The following CHI3L2 variants were observed in gnomAD, a reference collection of about 807,000 sequenced individuals.
CHI3L2 encodes the protein chitinase 3 like 2.
CHI3L2 carries 47 observed loss-of-function variants against 47.3 expected under a neutral mutation model. That is an observed-to-expected ratio of 0.99 (90% confidence interval 0.79 to 1.27). CHI3L2 has a LOEUF of 1.27. Among genes scored for constraint, CHI3L2 ranks in the 50% most tolerant of loss-of-function variants. The pLI is 0.00. For missense variants in CHI3L2, 497 were observed against 462.1 expected (o/e 1.08, Z -0.69); for synonymous variants, 198 against 169.9 (o/e 1.17, Z -1.28).
intron 4 of CHI3L2, 53 bp downstream of exon 4, chr1:111,231,347 C>A: frequency 7.4e-7 from 1 of 1,358,516 alleles, no homozygotes. Flanking sequence ...TTTTGATCAT[C>A]ATCATTTTTC....
chr1:111,235,998 C>A, intron 6 of CHI3L2, 26 bp from the exon 7 acceptor site: 1 of 1,612,116 alleles, frequency 6.2e-7, no homozygotes, highest in Non-Finnish European at 8.5e-7. Flanking sequence ...GTCACAAAAT[C>A]TCTCCCATTG....
At position 111,230,857 on chromosome 1, in the gene CHI3L2, A is replaced by G. The variant is rs1042264838; in HGVS notation, c.186A>G (p.Ser62=). 2.5e-6 allele frequency: 4 copies of G among 1,614,088 alleles called. No homozygotes were observed. Among genetic ancestry groups the G allele is most frequent in the Non-Finnish European group, 3.4e-6 (4 of 1,179,996 alleles). ...DPFLCSHLIY[S]FASIENNKVI... ...TCCTATGCTCTCATCTCATCTATTC[A>G]TTCGCCAGCATCGAAAACAACAAGG... The change falls in exon 3 of 11, where the codon TCA becomes TCG. Residue 62 remains serine (S), a synonymous_variant. Transcript: ENST00000369748.
In CHI3L2 at chr1:111,238,794, G is replaced by C. The variant is rs1195664870; in HGVS notation, c.780G>C (p.Glu260Asp). 6.2e-7 allele frequency: 1 copy of C among 1,614,042 alleles called. No homozygotes were observed. Among genetic ancestry groups the C allele is most frequent in the South Asian group, 1.1e-5 (1 of 91,048 alleles). Residue 260 changes from glutamate to aspartate, a missense_variant, in exon 8 of 11, where the codon GAG becomes GAC. Glu to Asp is a conservative substitution (Grantham distance 45). Coordinates refer to ENST00000369748, the MANE Select transcript of CHI3L2 (RefSeq NM_004000.3). ...GGATACATAAGGGAATGCCATCAGAGAAGGTGGTCATGGGCATCCCCACAT... is the reference window on the plus strand; with the variant it reads ...GGATACATAAGGGAATGCCATCAGACAAGGTGGTCATGGGCATCCCCACAT... ...GYWIHKGMPS[E>D]KVVMGIPTYG...
At chr1:111,229,959 T>G in intron 2 of CHI3L2, 78 bp downstream of exon 2, 1 of 1,508,082 alleles carries the variant, frequency 6.6e-7, no homozygotes, top group Non-Finnish European at 9.2e-7. Flanking sequence ...TTTCTTTTTC[T>G]GCTACATGCT....
intron 10 of CHI3L2, 179 bp downstream of exon 10, chr1:111,242,545 C>A (rs949170222): frequency 3.0e-5 from 14 of 473,056 alleles, no homozygotes; most frequent in African/African-American, 2.2e-4. Context: ...TTCCCATAGA[C>A]TTTTAAAGTA....
At chr1:111,227,907 A>C (rs1571220788) in intron 1 of CHI3L2, 138 bp downstream of exon 1, 1 of 830,620 alleles carries the variant, frequency 1.2e-6, no homozygotes, top group East Asian at 2.6e-5. Context: ...TTTCAAGCCA[A>C]TGCAACTGTT....
intron 9 of CHI3L2, 137 bp from the exon 10 acceptor site, chr1:111,242,090 A>G: frequency 9.4e-7 from 1 of 1,063,134 alleles, no homozygotes; most frequent in Non-Finnish European, 1.4e-6. Flanking sequence ...CTTACCCCTC[A>G]GGAAGTCTCT....
In CHI3L2 at chr1:111,238,897, A is replaced by G. The variant is rs201251272; in HGVS notation, c.883A>G (p.Ile295Val). ...PASGPGAAGP[I>V]TESSGFLAYY... ...CTCTGGCCCTGGAGCTGCTGGACCC[A>G]TCACAGAGTCTTCAGGCTTCCTGGC... Residue 295 changes from isoleucine (I) to valine (V), a missense_variant, in exon 8 of 11, where the codon ATC becomes GTC. Coordinates refer to ENST00000369748, the MANE Select transcript of CHI3L2 (RefSeq NM_004000.3). The G allele has an allele frequency of 1.2e-6, 2 of 1,609,752 alleles. No homozygotes were observed. Among genetic ancestry groups the G allele is most frequent in the East Asian group, 2.2e-5 (1 of 44,718 alleles).
chr1:111,239,003 G>A, intron 8 of CHI3L2, 71 bp downstream of exon 8: 3 of 1,399,634 alleles, frequency 2.1e-6, no homozygotes, highest in Non-Finnish European at 2.9e-6. Flanking sequence ...CAATTTGACA[G>A]CAGAGTAAAG....
Position 111,235,646 on chromosome 1 carries a change from C to A in CHI3L2, c.488C>A (p.Ala163Glu). The A allele has an allele frequency of 6.2e-7, 1 of 1,613,844 alleles. No homozygotes were observed. The highest frequency in any genetic ancestry group is 8.5e-7 in the Non-Finnish European group (1 of 1,179,884). The change falls in exon 6 of 11, where the codon GCA becomes GAA. Residue 163 changes from alanine to glutamate, a missense_variant. By Grantham distance (107) the Ala-to-Glu change is moderately radical (BLOSUM62 -1). Coordinates refer to ENST00000369748, the MANE Select transcript of CHI3L2 (RefSeq NM_004000.3). ...THFTVLIHEL[A>E]EAFQKDFTKS... is the part of the protein sequence containing the mutation. ...TTTCTTTGTTTTTCCTAGGAGTTAG[C>A]AGAAGCCTTTCAGAAGGACTTCACA...
At chr1:111,240,517 T>C (rs1346457724) in intron 8 of CHI3L2, among the ~76,000 whole-genome samples, 1 of 152,200 alleles carries the variant, frequency 6.6e-6, no homozygotes, top group African/African-American at 2.4e-5. Flanking sequence ...CCACTAGATA[T>C]GCACTTCCCA....
intron 4 of CHI3L2, among the ~76,000 whole-genome samples, chr1:111,233,410 G>A (rs1375592536): frequency 2.0e-5 from 3 of 152,236 alleles, no homozygotes. Context: ...CTGGAACCCA[G>A]AGAGCAGGTT....
chr1:111,231,457 TA>T, intron 4 of CHI3L2, 163 bp downstream of exon 4: 1 of 595,706 alleles, frequency 1.7e-6, no homozygotes, highest in Non-Finnish European at 3.0e-6. Context: ...GGAACAGCAT[TA>T]GGTTTCCTGG....
intron 1 of CHI3L2, among the ~76,000 whole-genome samples, chr1:111,229,478 C>T (rs1007367684): frequency 4.6e-5 from 7 of 151,056 alleles, no homozygotes; most frequent in Admixed American, 1.3e-4. Context: ...GTCAGGAGAT[C>T]GAGACCATCC....
intron 4 of CHI3L2, among the ~76,000 whole-genome samples, chr1:111,232,616 CT>C (rs1448280760): frequency 6.6e-6 from 1 of 152,146 alleles, no homozygotes; most frequent in East Asian, 1.9e-4. Context: ...CATAGTGCCC[CT>C]GTGCAATAAG....
At chr1:111,233,371 C>A (rs72979866) in intron 4 of CHI3L2, among the ~76,000 whole-genome samples, 4 of 152,070 alleles carry the variant, frequency 2.6e-5, no homozygotes, top group Non-Finnish European at 5.9e-5. Flanking sequence ...AGGATTAGTA[C>A]CCTCAGTCCC....
rs1571221576 is a variant in CHI3L2 at position 111,229,062 on chromosome 1, A to C, written c.41-790A>C. Among the ~76,000 whole-genome samples the C allele has an allele frequency of 2.0e-5, 3 of 152,292 alleles. No individual in the cohort carries two copies. The East Asian group carries it at 5.8e-4, about 29-fold the overall frequency. ...GTGGGACCATCTCAATTTGCCTGAGATAGTTCTGGTTCAAGCTATCGTCCT... is the reference window on the plus strand; with the variant it reads ...GTGGGACCATCTCAATTTGCCTGAGCTAGTTCTGGTTCAAGCTATCGTCCT... On this transcript the variant is annotated intron_variant, in intron 1 of 10. Transcript: ENST00000369748.
chr1:111,232,927 T>G (rs1339346988), intron 4 of CHI3L2, among the ~76,000 whole-genome samples: 1 of 152,224 alleles, frequency 6.6e-6, no homozygotes, highest in Non-Finnish European at 1.5e-5. Context: ...TCTTGCTATC[T>G]CTTCAACTTC....
intron 1 of CHI3L2, among the ~76,000 whole-genome samples, chr1:111,229,539 G>A (rs947854719): frequency 6.7e-5 from 10 of 149,758 alleles, no homozygotes; most frequent in African/African-American, 1.5e-4. Context: ...AAAATTAGCC[G>A]GGCGTAGTGG....
Sources: allele counts gnomAD v4.1 joint callset (sites outside exome capture counted in the v4.1 genomes callset), GRCh38; gene constraint gnomAD v4.1.1; transcripts MANE v1.5; gene names NCBI Gene and HGNC (gene_info 2026-07-23, HGNC 2026-07-21).